Variants in TBC1D32 observed in about 807,000 individuals in gnomAD.
TBC1D32 encodes TBC1 domain family member 32.
TBC1D32 carries 151 observed loss-of-function variants against 170.3 expected under a neutral mutation model. The ratio of observed to expected loss-of-function variants is 0.89; its 90% confidence interval spans 0.78 to 1.01. The LOEUF is 1.01. Ranked by LOEUF, TBC1D32 falls within the 50% of genes least tolerant of loss-of-function variation. TBC1D32 has a pLI of 0.00. For synonymous variants in TBC1D32, 498 were observed against 488.0 expected (o/e 1.02, Z -0.27); for missense variants, 1,464 against 1,457.1 (o/e 1.00, Z -0.08).
intron 12 of TBC1D32, among the ~76,000 whole-genome samples, chr6:121,290,571 C>A (rs1054264824): frequency 1.5e-4 from 23 of 152,142 alleles, no homozygotes; most frequent in African/African-American, 5.3e-4. Flanking sequence ...ACTAGTTCAA[C>A]CATTGTGGAA....
intron 4 of TBC1D32, 124 bp downstream of exon 4, chr6:121,310,655 A>G: frequency 1.5e-6 from 1 of 677,356 alleles, no homozygotes; most frequent in South Asian, 1.7e-5. Flanking sequence ...ATATCAGTCC[A>G]GGATTGCCCA....
rs1809093198 is a variant in TBC1D32, at chr6:121,317,503, A to G, written c.487T>C (p.Leu163=). The G allele has an allele frequency of 2.5e-6, 4 of 1,596,084 alleles. No individual in the cohort carries two copies. The highest frequency in any genetic ancestry group is 1.7e-4 in the Middle Eastern group (1 of 6,032). The part of the protein sequence containing the change: ...TDNCSDSDSS[L]NQSYKFCQGK... ...AAAACTGAACAACACACCTGATTCA[A>G]TGATGAATCACTATCAGAGCAATTG... The change falls in exon 3 of 32, where the codon TTG becomes CTG. Residue 163 remains leucine, a synonymous_variant. Coordinates refer to ENST00000398212, the MANE Select transcript of TBC1D32 (RefSeq NM_152730.6).
At chr6:121,143,059 T>G (rs1396458034) in intron 24 of TBC1D32, among the ~76,000 whole-genome samples, 1 of 152,170 alleles carries the variant, frequency 6.6e-6, no homozygotes, top group East Asian at 1.9e-4. Context: ...GCTTATATTA[T>G]AGTACTAGCT....
intron 17 of TBC1D32, among the ~76,000 whole-genome samples, chr6:121,250,174 A>G (rs1798111177): frequency 6.6e-6 from 1 of 152,134 alleles, no homozygotes. Context: ...AGAAGCTGGT[A>G]CCATTCCTTC....
At chr6:121,194,424 A>G (rs1323726054) in intron 22 of TBC1D32, among the ~76,000 whole-genome samples, 1 of 152,190 alleles carries the variant, frequency 6.6e-6, no homozygotes, top group East Asian at 1.9e-4. Context: ...GCCACCATGA[A>G]GGACTTGAAG....
chr6:121,307,592 G>A (rs1033411576), intron 5 of TBC1D32, among the ~76,000 whole-genome samples: 8 of 152,238 alleles, frequency 5.3e-5, no homozygotes, highest in Middle Eastern at 3.4e-3. Context: ...AGACACCGTG[G>A]CCCATGCCTG....
chr6:121,244,996 G>A (rs1057469938), intron 17 of TBC1D32, among the ~76,000 whole-genome samples: 17 of 152,178 alleles, frequency 1.1e-4, no homozygotes, highest in African/African-American at 3.4e-4. Flanking sequence ...CTTCCTGGCT[G>A]GAGGCCAACA....
chr6:121,198,236 AATATATATATTATAT>A (rs1266519641), intron 22 of TBC1D32, among the ~76,000 whole-genome samples: 1 of 129,570 alleles, frequency 7.7e-6, no homozygotes, highest in African/African-American at 3.1e-5. Flanking sequence ...AATATATATA[AATATATATATTATAT>A]ATATATATAA....
chr6:121,290,607 C>A (rs560413814), intron 12 of TBC1D32, among the ~76,000 whole-genome samples: 1 of 152,264 alleles, frequency 6.6e-6, no homozygotes, highest in African/African-American at 2.4e-5. Flanking sequence ...CCTCAGGGAT[C>A]GTGAACTAGA....
At chr6:121,195,813 C>A (rs947013221) in intron 22 of TBC1D32, among the ~76,000 whole-genome samples, 7 of 152,184 alleles carry the variant, frequency 4.6e-5, no homozygotes, top group Non-Finnish European at 1.0e-4. Context: ...TAGCCCCTTT[C>A]TAGCACATCC....
chr6:121,279,060 C>T, intron 15 of TBC1D32, 61 bp downstream of exon 15: 1 of 1,529,070 alleles, frequency 6.5e-7, no homozygotes, highest in East Asian at 2.3e-5. Context: ...ATATTATTAG[C>T]AGCTTGTCAG....
intron 17 of TBC1D32, among the ~76,000 whole-genome samples, chr6:121,243,788 T>C (rs1797277263): frequency 6.6e-6 from 1 of 151,182 alleles, no homozygotes; most frequent in Non-Finnish European, 1.5e-5. Flanking sequence ...AAAACAACTA[T>C]GTTTGAAGAC....
At chr6:121,283,726 GTAGGTCA>G in intron 13 of TBC1D32, 85 bp downstream of exon 13, 1 of 890,396 alleles carries the variant, frequency 1.1e-6, no homozygotes. Context: ...ACTTACCAAA[GTAGGTCA>G]GGCACTCAAA....
At chr6:121,098,387 A>T (rs528751121) in intron 30 of TBC1D32, among the ~76,000 whole-genome samples, 2 of 152,066 alleles carry the variant, frequency 1.3e-5, no homozygotes, top group South Asian at 4.1e-4. Context: ...CCAGTAAAGT[A>T]AGGAAGAAAA....
At position 121,299,473 on chromosome 6, in the gene TBC1D32, T is replaced by G. The variant is rs1806142421; in HGVS notation, c.1113A>C (p.Arg371Ser). 2 of 1,512,544 alleles carry G rather than the reference T, an allele frequency of 1.3e-6. No individual in the cohort carries two copies. The highest frequency in any genetic ancestry group is 9.0e-7 in the Non-Finnish European group (1 of 1,105,174). 93.7% of individuals were successfully genotyped at this position (1,512,544 alleles called of 1,614,324 possible). The change falls in exon 10 of 32, where the codon AGA (arginine) becomes AGC (serine). Residue 371 changes from arginine (R) to serine (S), a missense_variant. Coordinates refer to ENST00000398212, the MANE Select transcript of TBC1D32 (RefSeq NM_152730.6). ...GAGACTTATATTTCGTTTCAAGAAG[T>G]CTTAATACTGTAGTTCTGCTATAAT... Reference protein sequence around the residue: ...HAHYSRTTVLRLLETKYKSLV... With the variant: ...HAHYSRTTVLSLLETKYKSLV...
At chr6:121,112,238 A>T (rs1779267652) in intron 29 of TBC1D32, 1 of 218,664 alleles carries the variant, frequency 4.6e-6, no homozygotes, top group Non-Finnish European at 8.9e-6. Context: ...TAACTGATAT[A>T]ACTATCATTT....
intron 24 of TBC1D32, among the ~76,000 whole-genome samples, chr6:121,153,117 T>C (rs747756388): frequency 6.6e-5 from 10 of 152,108 alleles, no homozygotes; most frequent in Non-Finnish European, 1.0e-4. Flanking sequence ...TTTTTACTGG[T>C]TTTTCCTCAC....
chr6:121,157,061 T>C (rs766849905), intron 24 of TBC1D32, among the ~76,000 whole-genome samples: 20 of 152,120 alleles, frequency 1.3e-4, no homozygotes, highest in Non-Finnish European at 2.6e-4. Context: ...ACAATATCTT[T>C]GTGGAATTTT....
Position 121,239,206 on chromosome 6 carries a change from T to C in TBC1D32, c.2246-18A>G, listed in dbSNP as rs1301878567. On this transcript the variant is annotated intron_variant, in intron 19 of 31. Transcript: ENST00000398212. ...AATAAACCCTAAAAAGAATTATTAC[T>C]TCAAGTCATTTATAGCATAATATTT... 1 of 1,378,878 alleles carries C rather than the reference T, an allele frequency of 7.3e-7. No individual in the cohort carries two copies. Among genetic ancestry groups the C allele is most frequent in the Non-Finnish European group, 1.0e-6 (1 of 975,874 alleles). The allele number at this position is 1,378,878 out of a possible 1,614,324, so 85.4% of individuals were successfully genotyped here. A position where few individuals can be genotyped will look rare whatever the true frequency, so the allele number is the denominator to read the frequency against.
Sources: allele counts gnomAD v4.1 joint callset (sites outside exome capture counted in the v4.1 genomes callset), GRCh38; gene constraint gnomAD v4.1.1; transcripts MANE v1.5; gene names NCBI Gene and HGNC (gene_info 2026-07-23, HGNC 2026-07-21).